NEK1: variants seen among roughly 807,000 people sequenced by gnomAD.
NEK1 encodes serine/threonine-protein kinase Nek1.
In NEK1, 137 loss-of-function variants were observed where a neutral mutation model predicts 182.1. The ratio of observed to expected loss-of-function variants is 0.75; its 90% confidence interval spans 0.65 to 0.87. NEK1 has a LOEUF of 0.87. Ranked by LOEUF, NEK1 falls within the 40% of genes least tolerant of loss-of-function variation. NEK1 has a pLI of 0.00. For synonymous variants in NEK1, 513 were observed against 492.2 expected (o/e 1.04, Z -0.56); for missense variants, 1,391 against 1,494.4 (o/e 0.93, Z 1.14).
At position 169,396,217 on chromosome 4, in the gene NEK1, T is replaced by C. The variant is rs1730662375; in HGVS notation, c.3848-1694A>G. On this transcript the variant is annotated intron_variant, in intron 35 of 35. Transcript: ENST00000507142. The stretch of plus-strand genomic sequence containing the variant: ...CCTGTCTCTACTAAAAATACAAAAA[T>C]TAGCTGGGTGTGGTGGCACATGCCT... Among the ~76,000 whole-genome samples, 3 of 151,328 alleles carry C rather than the reference T, an allele frequency of 2.0e-5. 1 individual carries two copies. The South Asian group carries it at 6.3e-4, about 32-fold the overall frequency.
chr4:169,602,826 T>C lies in NEK1; in HGVS notation c.-48-148A>G, dbSNP rs990791082. ...AATATATTCACTAAAAGTTACACTT[T>C]ATATACTTTACTAGTACAACCTAAT... On this transcript the variant is annotated intron_variant, in intron 2 of 35. Coordinates refer to ENST00000507142, the MANE Select transcript of NEK1 (RefSeq NM_001199397.3). The C allele has an allele frequency of 9.5e-5, 47 of 493,136 alleles. No homozygotes were observed. The East Asian group carries it at 1.7e-3, about 17-fold the overall frequency. 30.5% of individuals were successfully genotyped at this position (493,136 alleles called of 1,614,324 possible).
intron 16 of NEK1, among the ~76,000 whole-genome samples, chr4:169,557,570 C>A (rs1762331399): frequency 6.6e-6 from 1 of 151,934 alleles, no homozygotes; most frequent in African/African-American, 2.4e-5. Context: ...AGAACAGAAG[C>A]CACAATAATG....
intron 2 of NEK1, among the ~76,000 whole-genome samples, chr4:169,607,665 G>A (rs910375463): frequency 1.3e-4 from 20 of 151,868 alleles, no homozygotes; most frequent in Non-Finnish European, 2.9e-4. Context: ...GGGTTTCACC[G>A]TGTTAGCCAG....
chr4:169,576,349 G>T (rs933918791), intron 12 of NEK1, among the ~76,000 whole-genome samples: 2 of 152,078 alleles, frequency 1.3e-5, no homozygotes, highest in Non-Finnish European at 2.9e-5. Flanking sequence ...CATATCTAAG[G>T]CTGTGTATAT....
intron 26 of NEK1, among the ~76,000 whole-genome samples, chr4:169,467,477 TA>T (rs1306589111): frequency 6.6e-6 from 1 of 152,008 alleles, no homozygotes; most frequent in African/African-American, 2.4e-5. Context: ...CTATAGCTAA[TA>T]ATTCAACAAC....
intron 10 of NEK1, among the ~76,000 whole-genome samples, chr4:169,582,887 T>G (rs1168335572): frequency 6.6e-6 from 1 of 152,108 alleles, no homozygotes; most frequent in East Asian, 1.9e-4. Context: ...AACATTTTCA[T>G]CATCACAGAG....
intron 18 of NEK1, among the ~76,000 whole-genome samples, chr4:169,553,304 C>G (rs993770744): frequency 4.6e-5 from 7 of 152,064 alleles, no homozygotes; most frequent in African/African-American, 1.7e-4. Flanking sequence ...ACTGGGCATC[C>G]ACATGCAAAA....
chr4:169,549,008 C>G (rs1045111070), intron 18 of NEK1, among the ~76,000 whole-genome samples: 50 of 152,130 alleles, frequency 3.3e-4, no homozygotes, highest in Non-Finnish European at 1.0e-4. Flanking sequence ...CCAGGTGCCA[C>G]TAGGGTATGA....
chr4:169,556,886 A>C (rs1762241974), intron 16 of NEK1, among the ~76,000 whole-genome samples: 1 of 152,160 alleles, frequency 6.6e-6, no homozygotes, highest in Non-Finnish European at 1.5e-5. Context: ...GTATGTATAT[A>C]TTTAGGTATG....
rs939092522 is a variant in NEK1, at chr4:169,498,988, A to C, written c.2007+8049T>G. Among the ~76,000 whole-genome samples the C allele has an allele frequency of 1.4e-4, 21 of 152,220 alleles. 1 individual carries two copies. The highest frequency in any genetic ancestry group is 4.1e-4 in the African/African-American group (17 of 41,522). ...TTGGGGAAGTTCTCCTGGATAATAT[A>C]CTGCAGAGTGTTTTCCAACTTGGTT... On this transcript the variant is annotated intron_variant, in intron 23 of 35. Coordinates refer to ENST00000507142, the MANE Select transcript of NEK1 (RefSeq NM_001199397.3).
intron 12 of NEK1, among the ~76,000 whole-genome samples, chr4:169,571,462 G>A (rs1202403659): frequency 2.0e-5 from 3 of 152,326 alleles, no homozygotes; most frequent in East Asian, 1.9e-4. Context: ...GTAAAGTAGA[G>A]TAGAAACGTG....
intron 28 of NEK1, among the ~76,000 whole-genome samples, chr4:169,434,925 G>GA (rs1444688089): frequency 2.1e-4 from 32 of 152,090 alleles, no homozygotes; most frequent in African/African-American, 7.5e-4. Flanking sequence ...CTATAAACTT[G>GA]ACTTATGACT....
At chr4:169,508,419 C>G (rs752109233) in intron 20 of NEK1, 88 bp from the exon 21 acceptor site, 581 of 1,087,688 alleles carry the variant, frequency 5.3e-4, no homozygotes, top group Non-Finnish European at 7.1e-4. Flanking sequence ...ATTTAAGGAA[C>G]AGTGTTAATT....
chr4:169,511,759 A>C (rs977592427), intron 19 of NEK1, among the ~76,000 whole-genome samples: 5 of 152,086 alleles, frequency 3.3e-5, no homozygotes, highest in Non-Finnish European at 5.9e-5. Context: ...TTACTGGAAC[A>C]CTTCATAGCC....
In NEK1 at chr4:169,406,827, C is replaced by A. The variant is rs903942264; in HGVS notation, c.3223-80G>T. ...AATGAGAGAAAACTAGAACTAATCA[C>A]AATTTTGTTACATATGTGTAAAATG... On this transcript the variant is annotated intron_variant, in intron 31 of 35. Transcript: ENST00000507142. The A allele has an allele frequency of 1.6e-5, 19 of 1,214,528 alleles. No homozygotes were observed. In the East Asian group the frequency reaches 4.5e-4, roughly 29 times the overall value. 75.2% of individuals were successfully genotyped at this position (1,214,528 alleles called of 1,614,324 possible). A position where few individuals can be genotyped will look rare whatever the true frequency, so the allele number is the denominator to read the frequency against.
In NEK1 at chr4:169,545,849, C is replaced by T. The variant is rs1406389286; in HGVS notation, c.1563-7938G>A. On this transcript the variant is annotated intron_variant, in intron 18 of 35. Coordinates refer to ENST00000507142, the MANE Select transcript of NEK1 (RefSeq NM_001199397.3). ...TGTTTTTTGGCTGCATAAATGTCTT[C>T]TTTTGAGAAGTGTCTGTTCATGTCC... Among the ~76,000 whole-genome samples the T allele has an allele frequency of 1.3e-4, 20 of 152,172 alleles. No homozygotes were observed. The East Asian group carries it at 3.9e-3, about 29-fold the overall frequency.
chr4:169,571,152 G>A (rs941152494), intron 12 of NEK1, among the ~76,000 whole-genome samples: 46 of 148,792 alleles, frequency 3.1e-4, no homozygotes, highest in Admixed American at 1.9e-3. Context: ...CCCCCTCTGC[G>A]AGAAACACCC....
chr4:169,567,630 G>A (rs1262114928), intron 12 of NEK1, among the ~76,000 whole-genome samples: 2 of 152,180 alleles, frequency 1.3e-5, no homozygotes, highest in African/African-American at 4.8e-5. Context: ...CTGACCTCAA[G>A]TGATCCACCT....
chr4:169,476,978 A>G (rs906673878), intron 26 of NEK1, 146 bp downstream of exon 26: 5 of 543,416 alleles, frequency 9.2e-6, no homozygotes, highest in Non-Finnish European at 1.6e-5. Context: ...AGAGGGAGGC[A>G]CTTCTATTCG....
Sources: allele counts gnomAD v4.1 joint callset (sites outside exome capture counted in the v4.1 genomes callset), GRCh38; gene constraint gnomAD v4.1.1; transcripts MANE v1.5; gene names NCBI Gene and HGNC (gene_info 2026-07-23, HGNC 2026-07-21).